CCDC117: variants seen among roughly 807,000 people sequenced by gnomAD.
The protein encoded by CCDC117 is coiled-coil domain-containing protein 117.
A neutral mutation model predicts 23.5 loss-of-function variants in CCDC117; 1 was observed. The observed-to-expected ratio is 0.04, with a 90% CI of 0.02 to 0.20. The LOEUF is 0.20. CCDC117 is among the 10% of genes least tolerant of loss of function. The pLI, the probability that CCDC117 is intolerant of heterozygous loss-of-function variation, is 1.00. For missense variants in CCDC117, 383 were observed against 348.2 expected, an observed-to-expected ratio of 1.10 and a Z score of -0.80; for synonymous variants, 132 against 124.8, an observed-to-expected ratio of 1.06 and a Z score of -0.39.
chr22:28,783,999 C>T (rs1031139737), intron 4 of CCDC117, among the ~76,000 whole-genome samples: 1 of 152,150 alleles, frequency 6.6e-6, no homozygotes, highest in African/African-American at 2.4e-5. Context: ...CTAAGTGACC[C>T]AGGAACAACA....
intron 3 of CCDC117, 89 bp downstream of exon 3, chr22:28,781,261 T>TA: frequency 1.4e-6 from 1 of 702,274 alleles, no homozygotes; most frequent in Non-Finnish European, 2.5e-6. Context: ...CATTTGGTGA[T>TA]ACCTTGATCC....
chr22:28,777,523 T>C (rs1344552358), intron 2 of CCDC117, among the ~76,000 whole-genome samples: 1 of 151,616 alleles, frequency 6.6e-6, no homozygotes, highest in Non-Finnish European at 1.5e-5. Flanking sequence ...TTTTCTTTTT[T>C]TTTTTGAGAT....
intron 1 of CCDC117, 23 bp from the exon 2 acceptor site, chr22:28,773,698 TTGAC>T (rs778319894): frequency 1.0e-5 from 16 of 1,594,662 alleles, no homozygotes; most frequent in East Asian, 4.5e-5. Flanking sequence ...CATTTCTTAA[TTGAC>T]TGATTTTTGT....
intron 2 of CCDC117, among the ~76,000 whole-genome samples, chr22:28,778,064 C>T (rs1257962651): frequency 1.3e-5 from 2 of 151,968 alleles, no homozygotes; most frequent in African/African-American, 2.4e-5. Context: ...CCAGGATGGT[C>T]TCTATCTCCT....
At chr22:28,777,272 G>A (rs528352714) in intron 2 of CCDC117, among the ~76,000 whole-genome samples, 5 of 149,686 alleles carry the variant, frequency 3.3e-5, no homozygotes, top group Non-Finnish European at 7.4e-5. Context: ...TGATTCGCTC[G>A]CCCGCTGGCC....
chr22:28,774,611 A>G (rs1352850043), intron 2 of CCDC117, among the ~76,000 whole-genome samples: 1 of 151,968 alleles, frequency 6.6e-6, no homozygotes, highest in Non-Finnish European at 1.5e-5. Context: ...TCTGGCCTCA[A>G]GCAGTCCTCC....
Position 28,786,206 on chromosome 22 carries a change from A to T in CCDC117, c.720A>T (p.Val240=). The stretch of plus-strand genomic sequence containing the variant: ...CAGGAGAGAGCCAAGCTAAGCATGT[A>T]GCTGCTGGCACTGCCTTCCCTCAGA... The part of the protein sequence containing the change: ...NYTGESQAKH[V]AAGTAFPQRT... Residue 240 remains valine, a synonymous_variant, in exon 5 of 5, where the codon GTA becomes GTT. Transcript: ENST00000249064. 1 of 1,614,130 alleles carries T rather than the reference A, an allele frequency of 6.2e-7. No individual in the cohort carries two copies. The highest frequency in any genetic ancestry group is 8.5e-7 in the Non-Finnish European group (1 of 1,179,970).
At chr22:28,781,885 C>T (rs1430842603) in intron 3 of CCDC117, among the ~76,000 whole-genome samples, 1 of 151,706 alleles carries the variant, frequency 6.6e-6, no homozygotes, top group African/African-American at 2.4e-5. Flanking sequence ...TCAGGTGATC[C>T]CCCTGTCTCG....
Position 28,787,652 on chromosome 22 carries a change from A to C in CCDC117, c.*1326A>C, listed in dbSNP as rs2031556048. 6.6e-6 allele frequency: 1 copy of C among 152,462 alleles called. No homozygotes were observed. The highest frequency in any genetic ancestry group is 2.4e-5 in the African/African-American group (1 of 41,410). 9.4% of individuals were successfully genotyped at this position (152,462 alleles called of 1,614,324 possible). A position where few individuals can be genotyped will look rare whatever the true frequency, so the allele number is the denominator to read the frequency against. On this transcript the variant is annotated 3_prime_UTR_variant, in exon 5 of 5. Coordinates refer to ENST00000249064, the MANE Select transcript of CCDC117 (RefSeq NM_173510.4). ...ACCAGGCTTCAGGTGTCCTTTGAGG[A>C]TAGCCAGGTTTGAAATTTTTAGTTT...
chr22:28,786,171 A>G lies in CCDC117; in HGVS notation c.685A>G (p.Lys229Glu), dbSNP rs2031502610. 6.2e-7 allele frequency: 1 copy of G among 1,614,126 alleles called. No homozygotes were observed. The highest frequency in any genetic ancestry group is 8.5e-7 in the Non-Finnish European group (1 of 1,179,986). ...TAAGCCAAAGCCATCCTCTAATACT[A>G]AGAACTATACAGGAGAGAGCCAAGC... ...SDKPKPSSNT[K>E]NYTGESQAKH... The change falls in exon 5 of 5, where the codon AAG becomes GAG. Residue 229 changes from lysine to glutamate, a missense_variant. By Grantham distance (56) the Lys-to-Glu change is moderately conservative. Coordinates refer to ENST00000249064, the MANE Select transcript of CCDC117 (RefSeq NM_173510.4).
At position 28,772,725 on chromosome 22, in the gene CCDC117, C is replaced by A; in HGVS notation, c.-125C>A. ...GCCTGAGGTGGAGGGTTCTAGAAGG[C>A]GTGACGTGGGGTCGAGAGCGGGATC... is the stretch of plus-strand genomic sequence containing the variant. On this transcript the variant is annotated 5_prime_UTR_variant, in exon 1 of 5. Transcript: ENST00000249064. 8.3e-6 allele frequency: 6 copies of A among 722,236 alleles called. No homozygotes were observed. Among genetic ancestry groups the A allele is most frequent in the Non-Finnish European group, 1.1e-5 (6 of 531,476 alleles). 44.7% of individuals were successfully genotyped at this position (722,236 alleles called of 1,614,324 possible).
Position 28,772,908 on chromosome 22 carries a change from T to C in CCDC117, c.59T>C (p.Leu20Pro). The change falls in exon 1 of 5, where the codon CTG becomes CCG. Residue 20 changes from leucine to proline, a missense_variant. Transcript: ENST00000249064. Reference sequence around the variant, plus strand: ...CCTCTGAGCGGCGGCTCGGACTTCCTGCAGCCGCCGCAGCCGGCCTTCCCC... The same window carrying C: ...CCTCTGAGCGGCGGCTCGGACTTCCCGCAGCCGCCGCAGCCGGCCTTCCCC... ...GLPLSGGSDF[L>P]QPPQPAFPGR... The C allele has an allele frequency of 8.1e-7, 1 of 1,230,294 alleles. No homozygotes were observed. The highest frequency in any genetic ancestry group is 1.0e-6 in the Non-Finnish European group (1 of 985,988). 76.2% of individuals were successfully genotyped at this position (1,230,294 alleles called of 1,614,324 possible). A position where few individuals can be genotyped will look rare whatever the true frequency, so the allele number is the denominator to read the frequency against.
chr22:28,773,074 C>A (rs1247510528), intron 1 of CCDC117, 40 bp downstream of exon 1: 1 of 383,716 alleles, frequency 2.6e-6, no homozygotes, highest in Non-Finnish European at 3.8e-6. Flanking sequence ...GGCGGGCGGG[C>A]GGGCGGGCAG....
In CCDC117 at chr22:28,773,029, C is replaced by T. The variant is rs1157911829; in HGVS notation, c.180C>T (p.Arg60=). ...VPSSPAGSAA[R]GRVSVHCKKK... is the part of the protein sequence containing the mutation. ...GCAGTCCCGCTGGGAGTGCGGCGCG[C>T]GGACGGTGAGGAGCCCGTCGGGCGC... is the stretch of plus-strand genomic sequence containing the variant. Residue 60 remains arginine (R), a synonymous_variant, in exon 1 of 5, where the codon CGC becomes CGT. Coordinates refer to ENST00000249064, the MANE Select transcript of CCDC117 (RefSeq NM_173510.4). 4.1e-5 allele frequency: 46 copies of T among 1,120,852 alleles called. 1 individual carries two copies. The Admixed American group carries it at 1.1e-3, about 26-fold the overall frequency. The allele number at this position is 1,120,852 out of a possible 1,614,324, so 69.4% of individuals were successfully genotyped here. A position where few individuals can be genotyped will look rare whatever the true frequency, so the allele number is the denominator to read the frequency against.
chr22:28,781,894 C>T (rs944739515), intron 3 of CCDC117, among the ~76,000 whole-genome samples: 13 of 151,710 alleles, frequency 8.6e-5, no homozygotes, highest in African/African-American at 1.5e-4. Context: ...CCCCCTGTCT[C>T]GGCCTCCCAA....
chr22:28,780,120 G>A (rs2031275955), intron 2 of CCDC117, among the ~76,000 whole-genome samples: 1 of 152,134 alleles, frequency 6.6e-6, no homozygotes, highest in African/African-American at 2.4e-5. Flanking sequence ...CTTTGGAGAA[G>A]CCGGGTTAGT....
At chr22:28,778,770 G>A (rs1180437477) in intron 2 of CCDC117, among the ~76,000 whole-genome samples, 1 of 152,208 alleles carries the variant, frequency 6.6e-6, no homozygotes, top group African/African-American at 2.4e-5. Context: ...TTGGGAGGCA[G>A]TGGGATGAGA....
intron 2 of CCDC117, among the ~76,000 whole-genome samples, chr22:28,775,498 C>T (rs972961696): frequency 3.3e-5 from 5 of 152,066 alleles, no homozygotes; most frequent in Non-Finnish European, 5.9e-5. Context: ...GAGTTTTTGC[C>T]AATTTATATG....
chr22:28,782,154 T>C (rs1209550731), intron 3 of CCDC117, among the ~76,000 whole-genome samples: 1 of 150,542 alleles, frequency 6.6e-6, no homozygotes, highest in Non-Finnish European at 1.5e-5. Flanking sequence ...CCCAAGCTGG[T>C]CACGCATTCC....
Sources: gnomAD v4.1 joint callset for allele counts (sites outside exome capture counted in the v4.1 genomes callset) on GRCh38, gnomAD v4.1.1 for gene constraint, MANE v1.5 for transcripts, NCBI Gene and HGNC (gene_info 2026-07-23, HGNC 2026-07-21) for gene names.